The following RBFOX1 variants were observed in gnomAD, a reference collection of about 807,000 sequenced individuals.
The protein encoded by RBFOX1 is RNA binding fox-1 homolog 1.
Under a neutral mutation model 57.7 loss-of-function variants are expected in RBFOX1, and 8 were observed. The observed-to-expected ratio is 0.14, with a 90% CI of 0.08 to 0.25. RBFOX1 has a LOEUF of 0.25. Among genes scored for constraint, RBFOX1 ranks in the 10% least tolerant of loss-of-function variants. The pLI, the probability that RBFOX1 is intolerant of heterozygous loss-of-function variation, is 1.00. For missense variants in RBFOX1, 611 were observed against 548.5 expected, an observed-to-expected ratio of 1.11 and a Z score of -1.14; for synonymous variants, 326 against 222.4, an observed-to-expected ratio of 1.47 and a Z score of -4.15.
intron 1 of RBFOX1, among the ~76,000 whole-genome samples, chr16:5,316,699 T>C (rs913721124): frequency 2.6e-5 from 4 of 152,212 alleles, no homozygotes; most frequent in Admixed American, 6.5e-5. Context: ...AAGCACTTTG[T>C]ATTCTAAACC....
chr16:7,127,764 C>T (rs2151920987), intron 4 of RBFOX1, among the ~76,000 whole-genome samples: 1 of 152,304 alleles, frequency 6.6e-6, no homozygotes, highest in East Asian at 1.9e-4. Flanking sequence ...CCTCATAGCC[C>T]CGTGGAGGCA....
chr16:6,255,528 C>G (rs567890363), intron 1 of RBFOX1, among the ~76,000 whole-genome samples: 2 of 152,088 alleles, frequency 1.3e-5, no homozygotes, highest in Non-Finnish European at 2.9e-5. Context: ...GAGGACCCCT[C>G]CTCATACAAA....
At chr16:6,531,113 T>C (rs1283839205) in intron 2 of RBFOX1, among the ~76,000 whole-genome samples, 1 of 152,186 alleles carries the variant, frequency 6.6e-6, no homozygotes, top group Admixed American at 6.5e-5. Flanking sequence ...GTCAAGTCAC[T>C]TGTGCTTACC....
intron 2 of RBFOX1, among the ~76,000 whole-genome samples, chr16:6,460,454 T>G (rs2094890929): frequency 6.9e-6 from 1 of 144,592 alleles, no homozygotes; most frequent in Non-Finnish European, 1.5e-5. Flanking sequence ...AACAGACACT[T>G]CTCAAAAAAA....
At chr16:7,376,634 G>A (rs547387463) in intron 4 of RBFOX1, among the ~76,000 whole-genome samples, 6 of 152,274 alleles carry the variant, frequency 3.9e-5, no homozygotes, top group Non-Finnish European at 8.8e-5. Context: ...AATTATCTTG[G>A]TTTCTGGGTC....
intron 1 of RBFOX1, among the ~76,000 whole-genome samples, chr16:5,360,884 TC>T (rs2065529394): frequency 6.6e-6 from 1 of 152,148 alleles, no homozygotes; most frequent in Non-Finnish European, 1.5e-5. Context: ...GAACCTGCTT[TC>T]CCAGCAGCAC....
intron 3 of RBFOX1, among the ~76,000 whole-genome samples, chr16:5,607,294 T>G (rs973773018): frequency 1.2e-4 from 19 of 152,180 alleles, no homozygotes; most frequent in African/African-American, 4.6e-4. Flanking sequence ...TTAAATTCTT[T>G]CCCTTCAAAA....
intron 4 of RBFOX1, among the ~76,000 whole-genome samples, chr16:7,076,743 T>C (rs1221271456): frequency 1.3e-5 from 2 of 152,214 alleles, no homozygotes; most frequent in East Asian, 1.9e-4. Flanking sequence ...CGTAACAGTG[T>C]ATGCATAATA....
chr16:6,242,635 C>CACAG (rs1039250662), intron 1 of RBFOX1, among the ~76,000 whole-genome samples: 1 of 104,162 alleles, frequency 9.6e-6, no homozygotes, highest in East Asian at 3.0e-4. Context: ...TGCAAACACA[C>CACAG]ACACACACAC....
At chr16:6,892,762 G>T (rs1243953567) in intron 3 of RBFOX1, among the ~76,000 whole-genome samples, 1 of 131,886 alleles carries the variant, frequency 7.6e-6, no homozygotes, top group African/African-American at 3.1e-5. Flanking sequence ...TATTCTCAAA[G>T]CCTCCCTGTC....
chr16:7,665,442 A>G lies in RBFOX1; in HGVS notation c.930+474A>G, dbSNP rs966011943. Among the ~76,000 whole-genome samples, 9 of 152,322 alleles carry G rather than the reference A, an allele frequency of 5.9e-5. 1 individual carries two copies. In the South Asian group the frequency reaches 1.9e-3, roughly 32 times the overall value. ...CTCTTTCTCTCTCTAGACATGGACA[A>G]GTTTAGCCCTAAACATCTCCTGATT... On this transcript the variant is annotated intron_variant, in intron 13 of 15. Coordinates refer to ENST00000550418, the MANE Select transcript of RBFOX1 (RefSeq NM_018723.4).
chr16:6,772,579 T>C (rs1239515165), intron 3 of RBFOX1, among the ~76,000 whole-genome samples: 1 of 150,986 alleles, frequency 6.6e-6, no homozygotes, highest in Non-Finnish European at 1.5e-5. Flanking sequence ...TGTGTGTGTA[T>C]GTATATGGGT....
At chr16:5,651,019 C>G (rs71390675) in intron 3 of RBFOX1, among the ~76,000 whole-genome samples, 1 of 137,850 alleles carries the variant, frequency 7.3e-6, no homozygotes, top group Non-Finnish European at 1.6e-5. Context: ...TTCCCTTCCT[C>G]TGGGAGAACA....
chr16:6,525,389 G>T (rs1179071932), intron 2 of RBFOX1, among the ~76,000 whole-genome samples: 2 of 152,186 alleles, frequency 1.3e-5, no homozygotes, highest in African/African-American at 4.8e-5. Flanking sequence ...CGTGAGCTGA[G>T]CCATGAAGCA....
At chr16:7,399,265 C>T (rs148975386) in intron 4 of RBFOX1, among the ~76,000 whole-genome samples, 4,203 of 151,148 alleles carry the variant, frequency 0.028, 146 homozygotes, top group African/African-American at 0.078. Flanking sequence ...TTGACCAACA[C>T]GGAGAAACCC....
chr16:6,696,558 G>C (rs549040908), intron 3 of RBFOX1, among the ~76,000 whole-genome samples: 3 of 152,042 alleles, frequency 2.0e-5, no homozygotes, highest in Non-Finnish European at 4.4e-5. Context: ...GGTTTAATTC[G>C]AGTAATTTAG....
At chr16:6,537,323 T>G (rs1157161083) in intron 2 of RBFOX1, among the ~76,000 whole-genome samples, 1 of 152,212 alleles carries the variant, frequency 6.6e-6, no homozygotes, top group East Asian at 1.9e-4. Context: ...CGTGGATGTC[T>G]CTGCAATAGA....
At chr16:5,662,364 C>A (rs1001997397) in intron 3 of RBFOX1, among the ~76,000 whole-genome samples, 2 of 152,102 alleles carry the variant, frequency 1.3e-5, no homozygotes, top group Non-Finnish European at 2.9e-5. Flanking sequence ...TGAGAACTTT[C>A]TAAAATGCAG....
intron 1 of RBFOX1, among the ~76,000 whole-genome samples, chr16:5,311,612 C>T (rs1335274719): frequency 6.6e-6 from 1 of 152,132 alleles, no homozygotes; most frequent in Non-Finnish European, 1.5e-5. Flanking sequence ...TAAGGTGTAT[C>T]TCATTGTGGT....
Sources: allele counts gnomAD v4.1 joint callset (sites outside exome capture counted in the v4.1 genomes callset), GRCh38; gene constraint gnomAD v4.1.1; transcripts MANE v1.5; gene names NCBI Gene and HGNC (gene_info 2026-07-23, HGNC 2026-07-21).